Variants in NOL4L observed in about 807,000 individuals in gnomAD.
NOL4L encodes the protein nucleolar protein 4 like.
Under a neutral mutation model 64.5 loss-of-function variants are expected in NOL4L, and 7 were observed. That is an observed-to-expected ratio of 0.11 (90% CI 0.06 to 0.20). The LOEUF (loss-of-function observed/expected upper bound fraction) is 0.20, where lower values mean the gene tolerates loss of function less well. NOL4L is among the 10% of genes least tolerant of loss of function. NOL4L has a pLI of 1.00. For missense variants in NOL4L, 680 were observed against 967.1 expected, an observed-to-expected ratio of 0.70 and a Z score of 3.94; for synonymous variants, 413 against 401.0, an observed-to-expected ratio of 1.03 and a Z score of -0.36.
At chr20:32,579,197 C>G (rs1354763851) in intron 1 of NOL4L, among the ~76,000 whole-genome samples, 1 of 152,152 alleles carries the variant, frequency 6.6e-6, no homozygotes, top group Non-Finnish European at 1.5e-5. Context: ...CAGGTGCTCA[C>G]ATAGATGCCG....
At chr20:32,455,223 T>C (rs527568869) in intron 6 of NOL4L, among the ~76,000 whole-genome samples, 2 of 152,158 alleles carry the variant, frequency 1.3e-5, no homozygotes, top group Admixed American at 6.5e-5. Flanking sequence ...ACAGTGGCAA[T>C]GGCTGCTGAA....
intron 4 of NOL4L, among the ~76,000 whole-genome samples, chr20:32,479,808 A>T (rs1284312851): frequency 6.6e-6 from 1 of 152,272 alleles, no homozygotes. Context: ...TTAGGCAGGC[A>T]GATGGGTAGC....
intron 2 of NOL4L, among the ~76,000 whole-genome samples, chr20:32,524,127 A>G (rs1275129621): frequency 6.6e-6 from 1 of 152,204 alleles, no homozygotes; most frequent in African/African-American, 2.4e-5. Context: ...GGCTTGTTCC[A>G]ACCCAGAAGG....
At chr20:32,529,883 C>T (rs1230991298) in intron 1 of NOL4L, among the ~76,000 whole-genome samples, 9 of 152,248 alleles carry the variant, frequency 5.9e-5, no homozygotes, top group African/African-American at 2.2e-4. Flanking sequence ...ACCCTTCAAC[C>T]TCCCCGAGCT....
At chr20:32,536,804 G>C (rs1282273581) in intron 1 of NOL4L, among the ~76,000 whole-genome samples, 1 of 123,932 alleles carries the variant, frequency 8.1e-6, no homozygotes, top group East Asian at 2.7e-4. Flanking sequence ...GGGAGTGGGG[G>C]GGGGGGGGCG....
chr20:32,448,470 G>A (rs1255234871), intron 10 of NOL4L, among the ~76,000 whole-genome samples: 2 of 152,190 alleles, frequency 1.3e-5, no homozygotes, highest in Non-Finnish European at 2.9e-5. Context: ...GACTGGCCAG[G>A]CCATAACTGC....
At chr20:32,451,980 G>C (rs577644291) in intron 10 of NOL4L, among the ~76,000 whole-genome samples, 1 of 152,232 alleles carries the variant, frequency 6.6e-6, no homozygotes, top group African/African-American at 2.4e-5. Context: ...TGGAGCAAGC[G>C]TCACTGGCGG....
intron 4 of NOL4L, among the ~76,000 whole-genome samples, chr20:32,486,316 C>T (rs893781191): frequency 6.6e-6 from 1 of 152,198 alleles, no homozygotes; most frequent in African/African-American, 2.4e-5. Flanking sequence ...CACTAATTCT[C>T]CCAGTGATGT....
chr20:32,455,037 G>A (rs1047399809), intron 6 of NOL4L, among the ~76,000 whole-genome samples: 2 of 152,180 alleles, frequency 1.3e-5, no homozygotes, highest in Non-Finnish European at 2.9e-5. Context: ...GAGGGCCCCC[G>A]CTGGCTACCA....
intron 1 of NOL4L, among the ~76,000 whole-genome samples, chr20:32,584,157 A>G (rs1249261996): frequency 7.9e-6 from 1 of 126,434 alleles, no homozygotes; most frequent in African/African-American, 2.9e-5. Context: ...ACACACACAC[A>G]CACACACACA....
At chr20:32,533,947 TA>T (rs1292168243) in intron 1 of NOL4L, among the ~76,000 whole-genome samples, 3 of 152,244 alleles carry the variant, frequency 2.0e-5, no homozygotes, top group Non-Finnish European at 4.4e-5. Flanking sequence ...ATGAGCCAAT[TA>T]AATGGACCCC....
At chr20:32,553,073 T>G (rs910979181) in intron 1 of NOL4L, among the ~76,000 whole-genome samples, 1 of 152,010 alleles carries the variant, frequency 6.6e-6, no homozygotes, top group African/African-American at 2.4e-5. Flanking sequence ...GTCCTCAGAT[T>G]CCTCACACAG....
intron 4 of NOL4L, among the ~76,000 whole-genome samples, chr20:32,508,262 G>A (rs1204593737): frequency 6.6e-6 from 1 of 152,168 alleles, no homozygotes; most frequent in Non-Finnish European, 1.5e-5. Flanking sequence ...CGCCCACCCT[G>A]GCCTGCCTTT....
At chr20:32,528,942 T>G (rs1046912228) in intron 1 of NOL4L, among the ~76,000 whole-genome samples, 1 of 152,174 alleles carries the variant, frequency 6.6e-6, no homozygotes, top group Non-Finnish European at 1.5e-5. Flanking sequence ...AAGACACATC[T>G]CCAAGAGAAT....
chr20:32,527,483 G>A (rs2018174486), intron 2 of NOL4L, among the ~76,000 whole-genome samples: 1 of 152,280 alleles, frequency 6.6e-6, no homozygotes, highest in East Asian at 1.9e-4. Flanking sequence ...AAACGGGGAA[G>A]AGGAGGGCGC....
chr20:32,508,420 G>A (rs370618422), intron 4 of NOL4L, among the ~76,000 whole-genome samples: 7 of 152,198 alleles, frequency 4.6e-5, no homozygotes, highest in Middle Eastern at 3.2e-3. Context: ...CTTGCGCCAC[G>A]TGCCCAGCCA....
chr20:32,530,952 T>C (rs2018325630), intron 1 of NOL4L, among the ~76,000 whole-genome samples: 1 of 152,134 alleles, frequency 6.6e-6, no homozygotes, highest in African/African-American at 2.4e-5. Context: ...AACCTTAACA[T>C]TTATAATCTG....
intron 4 of NOL4L, among the ~76,000 whole-genome samples, chr20:32,509,007 TC>T (rs2017259117): frequency 6.6e-6 from 1 of 152,156 alleles, no homozygotes; most frequent in Admixed American, 6.5e-5. Context: ...CCTGGAACTC[TC>T]TTCCCCTCAG....
chr20:32,515,652 A>C (rs1005345857), intron 3 of NOL4L, among the ~76,000 whole-genome samples: 1 of 152,182 alleles, frequency 6.6e-6, no homozygotes, highest in Admixed American at 6.5e-5. Context: ...AACGTGAACA[A>C]GGAAGAAGTG....
Sources: allele counts gnomAD v4.1 joint callset (sites outside exome capture counted in the v4.1 genomes callset), GRCh38; gene constraint gnomAD v4.1.1; transcripts MANE v1.5; gene names NCBI Gene and HGNC (gene_info 2026-07-23, HGNC 2026-07-21).